The following MAP4K5 variants were observed in gnomAD, a reference collection of about 807,000 sequenced individuals.
MAP4K5 encodes MAPK/ERK kinase kinase kinase 5.
A neutral mutation model predicts 135.6 loss-of-function variants in MAP4K5; 82 were observed. The ratio of observed to expected loss-of-function variants is 0.60; its 90% CI spans 0.51 to 0.73. The LOEUF (loss-of-function observed/expected upper bound fraction) is 0.73. Among genes scored for constraint, MAP4K5 ranks in the 30% least tolerant of loss-of-function variants. The pLI is 0.00. For synonymous variants in MAP4K5, 347 were observed against 335.0 expected (o/e 1.04, Z -0.39); for missense variants, 907 against 1,010.9 (o/e 0.90, Z 1.39).
chr14:50,481,258 C>T (rs1238562879), intron 6 of MAP4K5, among the ~76,000 whole-genome samples: 4 of 150,480 alleles, frequency 2.7e-5, no homozygotes, highest in Non-Finnish European at 4.4e-5. Flanking sequence ...GGAATATACA[C>T]ACACATACGT....
At chr14:50,432,556 CA>C (rs56267301) in intron 28 of MAP4K5, among the ~76,000 whole-genome samples, 2,658 of 139,248 alleles carry the variant, frequency 0.019, 61 homozygotes, top group African/African-American at 0.066. Flanking sequence ...ACAAAACTCT[CA>C]AAAAAAAAAA....
chr14:50,522,588 A>G (rs1258033226), intron 2 of MAP4K5, among the ~76,000 whole-genome samples: 1 of 152,108 alleles, frequency 6.6e-6, no homozygotes, highest in East Asian at 1.9e-4. Context: ...TTAACATAAC[A>G]TTTATTTAAT....
intron 13 of MAP4K5, among the ~76,000 whole-genome samples, chr14:50,462,015 A>G (rs2036721824): frequency 6.6e-6 from 1 of 152,222 alleles, no homozygotes. Flanking sequence ...TATATAAGAA[A>G]TAATAGTTTT....
chr14:50,478,201 T>C (rs981945621), intron 6 of MAP4K5, among the ~76,000 whole-genome samples: 1 of 152,176 alleles, frequency 6.6e-6, no homozygotes, highest in Non-Finnish European at 1.5e-5. Flanking sequence ...ATACTGTTCA[T>C]AATACTGTCT....
chr14:50,543,907 G>T (rs1212373909), intron 1 of MAP4K5, among the ~76,000 whole-genome samples: 1 of 152,144 alleles, frequency 6.6e-6, no homozygotes, highest in African/African-American at 2.4e-5. Flanking sequence ...CAGATGACAT[G>T]GTCACAATTC....
intron 3 of MAP4K5, among the ~76,000 whole-genome samples, chr14:50,495,803 G>T (rs2037579157): frequency 6.6e-6 from 1 of 152,182 alleles, no homozygotes; most frequent in African/African-American, 2.4e-5. Flanking sequence ...AAACAGCCTA[G>T]TCAGAAAAGG....
chr14:50,449,899 T>C (rs1480453254), intron 14 of MAP4K5: 1 of 152,138 alleles, frequency 6.6e-6, no homozygotes, highest in African/African-American at 2.4e-5. Flanking sequence ...AGAGCTGCAT[T>C]TCACATTACA....
chr14:50,538,819 A>G (rs2038525765), intron 2 of MAP4K5, among the ~76,000 whole-genome samples: 1 of 152,080 alleles, frequency 6.6e-6, no homozygotes, highest in Non-Finnish European at 1.5e-5. Context: ...TCATTTATTT[A>G]TTTATTAGAG....
intron 11 of MAP4K5, 77 bp downstream of exon 11, chr14:50,466,505 CA>C (rs1473170391): frequency 1.5e-6 from 1 of 666,998 alleles, no homozygotes; most frequent in African/African-American, 1.8e-5. Context: ...TCTGTTTAAT[CA>C]TCTGCAAAAT....
intron 21 of MAP4K5, among the ~76,000 whole-genome samples, chr14:50,441,797 C>CAT (rs946929784): frequency 1.2e-3 from 159 of 132,548 alleles, no homozygotes; most frequent in African/African-American, 4.6e-3. Flanking sequence ...CACACACACA[C>CAT]ATATATATAC....
intron 14 of MAP4K5, among the ~76,000 whole-genome samples, chr14:50,455,651 G>A (rs560636185): frequency 6.6e-6 from 1 of 151,960 alleles, no homozygotes; most frequent in African/African-American, 2.4e-5. Flanking sequence ...GAAATGTTTG[G>A]GTTTATGAAA....
intron 2 of MAP4K5, among the ~76,000 whole-genome samples, chr14:50,525,605 GTGGA>G (rs1360112154): frequency 6.6e-6 from 1 of 152,152 alleles, no homozygotes; most frequent in Non-Finnish European, 1.5e-5. Flanking sequence ...GGAGGCAGAG[GTGGA>G]TGGATTGCTT....
intron 2 of MAP4K5, among the ~76,000 whole-genome samples, chr14:50,539,842 A>T (rs2038538705): frequency 6.6e-6 from 1 of 152,226 alleles, no homozygotes; most frequent in Non-Finnish European, 1.5e-5. Flanking sequence ...ATAATAGCTT[A>T]CAATCTATGT....
intron 3 of MAP4K5, among the ~76,000 whole-genome samples, chr14:50,490,320 A>C (rs921939433): frequency 2.0e-5 from 3 of 152,178 alleles, no homozygotes; most frequent in Non-Finnish European, 1.5e-5. Flanking sequence ...AAAGCTCCTA[A>C]AACTGGCTTG....
chr14:50,542,425 C>T (rs2038577051), intron 2 of MAP4K5: 1 of 152,050 alleles, frequency 6.6e-6, no homozygotes, highest in Non-Finnish European at 1.5e-5. Flanking sequence ...CAAACCTGCA[C>T]ATTCTGTACA....
At chr14:50,496,299 C>A (rs1159780378) in intron 3 of MAP4K5, among the ~76,000 whole-genome samples, 1 of 151,058 alleles carries the variant, frequency 6.6e-6, no homozygotes, top group Non-Finnish European at 1.5e-5. Context: ...GCACTCCACC[C>A]GGGGTGCCAA....
chr14:50,429,768 G>A (rs1194613710), intron 28 of MAP4K5, among the ~76,000 whole-genome samples: 1 of 152,098 alleles, frequency 6.6e-6, no homozygotes, highest in African/African-American at 2.4e-5. Flanking sequence ...GTGGGTGGGA[G>A]TTCTTTTACA....
intron 2 of MAP4K5, among the ~76,000 whole-genome samples, chr14:50,541,389 G>T (rs989030953): frequency 3.3e-5 from 5 of 152,170 alleles, no homozygotes; most frequent in Admixed American, 2.0e-4. Context: ...GATAAACCCA[G>T]TTCAGGAACC....
chr14:50,502,323 A>AC (rs1402223189), intron 3 of MAP4K5, among the ~76,000 whole-genome samples: 5 of 152,150 alleles, frequency 3.3e-5, no homozygotes, highest in Non-Finnish European at 7.4e-5. Flanking sequence ...AGTTGCAAAA[A>AC]CCACGAAAAA....
Sources: gnomAD v4.1 joint callset for allele counts (sites outside exome capture counted in the v4.1 genomes callset) on GRCh38, gnomAD v4.1.1 for gene constraint, MANE v1.5 for transcripts, NCBI Gene and HGNC (gene_info 2026-07-23, HGNC 2026-07-21) for gene names.